Variants in C8orf34 observed in about 807,000 individuals in gnomAD.
C8orf34 encodes the protein uncharacterized protein C8orf34.
Under a neutral mutation model 68.3 loss-of-function variants are expected in C8orf34, and 65 were observed. That is an observed-to-expected ratio of 0.95 (90% CI 0.78 to 1.17). The LOEUF (loss-of-function observed/expected upper bound fraction) is 1.17. C8orf34 is among the 50% of genes most tolerant of loss of function. C8orf34 has a pLI of 0.00. For missense variants in C8orf34, 664 were observed against 655.4 expected (o/e 1.01, Z -0.14); for synonymous variants, 244 against 241.2 (o/e 1.01, Z -0.11).
intron 8 of C8orf34, among the ~76,000 whole-genome samples, chr8:68,646,674 A>G (rs1819183246): frequency 1.3e-5 from 2 of 151,922 alleles, no homozygotes; most frequent in African/African-American, 2.4e-5. Context: ...CTTTACTTCT[A>G]TGAGTTTGAC....
At position 68,571,705 on chromosome 8, in the gene C8orf34, C is replaced by T. The variant is rs143336370; in HGVS notation, c.1105+38556C>T. Among the ~76,000 whole-genome samples, 665 of 152,180 alleles carry T rather than the reference C, an allele frequency of 4.4e-3. 6 individuals are homozygous for T. The highest frequency in any genetic ancestry group is 0.015 in the African/African-American group (632 of 41,526). ...AGTAGGAAGAAGCATAGAGAAATTG[C>T]AAATGGCCTTCTTTTTATATTTTAA... On this transcript the variant is annotated intron_variant, in intron 7 of 13. Transcript: ENST00000518698.
chr8:68,379,562 C>A (rs1377183727), intron 1 of C8orf34, among the ~76,000 whole-genome samples: 2 of 152,224 alleles, frequency 1.3e-5, no homozygotes, highest in Non-Finnish European at 2.9e-5. Context: ...TGGTTCCTCT[C>A]TTGCTGTTGT....
intron 7 of C8orf34, chr8:68,533,427 T>C (rs987483946): frequency 1.3e-5 from 14 of 1,090,944 alleles, no homozygotes; most frequent in Non-Finnish European, 1.4e-5. Context: ...TGTGTGCAAC[T>C]GTGATCAAAA....
chr8:68,720,867 T>A (rs1440203346), intron 9 of C8orf34, among the ~76,000 whole-genome samples: 1 of 151,916 alleles, frequency 6.6e-6, no homozygotes, highest in African/African-American at 2.4e-5. Context: ...CCTTCATACG[T>A]TGAAATGGAA....
At chr8:68,702,917 G>C (rs927451001) in intron 8 of C8orf34, among the ~76,000 whole-genome samples, 1 of 152,072 alleles carries the variant, frequency 6.6e-6, no homozygotes, top group African/African-American at 2.4e-5. Flanking sequence ...TTTTAGCCCA[G>C]TAATTGGCTG....
intron 11 of C8orf34, among the ~76,000 whole-genome samples, chr8:68,781,041 T>C (rs1458117770): frequency 6.6e-6 from 1 of 152,230 alleles, no homozygotes; most frequent in Non-Finnish European, 1.5e-5. Context: ...TTAAAGTGAT[T>C]AAACCATTTT....
intron 8 of C8orf34, among the ~76,000 whole-genome samples, chr8:68,658,470 A>T (rs762906747): frequency 6.6e-6 from 1 of 152,114 alleles, no homozygotes; most frequent in Non-Finnish European, 1.5e-5. Context: ...TTTGCTTGAT[A>T]TTCAGCTCTT....
chr8:68,576,466 AG>A (rs1216539521), intron 7 of C8orf34, among the ~76,000 whole-genome samples: 1 of 151,666 alleles, frequency 6.6e-6, no homozygotes, highest in East Asian at 1.9e-4. Context: ...CCCCCTTTGC[AG>A]AAGGAAGCGC....
At chr8:68,775,554 T>A (rs912999982) in intron 10 of C8orf34, among the ~76,000 whole-genome samples, 2 of 152,328 alleles carry the variant, frequency 1.3e-5, no homozygotes, top group African/African-American at 4.8e-5. Flanking sequence ...ACGGAGAATT[T>A]ACTAATTACA....
chr8:68,639,783 T>C (rs1470767944), intron 7 of C8orf34, among the ~76,000 whole-genome samples: 1 of 152,142 alleles, frequency 6.6e-6, no homozygotes, highest in Non-Finnish European at 1.5e-5. Flanking sequence ...TCAGTAAACC[T>C]TTGGAGCATG....
At chr8:68,614,960 T>A (rs1361757180) in intron 7 of C8orf34, among the ~76,000 whole-genome samples, 1 of 152,302 alleles carries the variant, frequency 6.6e-6, no homozygotes, top group East Asian at 1.9e-4. Context: ...CCTCTTTTAT[T>A]TCATTGAGCA....
chr8:68,624,556 A>T (rs1818480534), intron 7 of C8orf34, among the ~76,000 whole-genome samples: 1 of 152,136 alleles, frequency 6.6e-6, no homozygotes, highest in African/African-American at 2.4e-5. Context: ...TTTCTAAGGG[A>T]TCTTATCTAT....
rs1006473129 is a variant in C8orf34, at chr8:68,615,968, G to T, written c.1106-24408G>T. Among the ~76,000 whole-genome samples the T allele has an allele frequency of 1.9e-4, 28 of 150,958 alleles. No individual in the cohort carries two copies. In the South Asian group the frequency reaches 3.6e-3, roughly 19 times the overall value. On this transcript the variant is annotated intron_variant, in intron 7 of 13. Coordinates refer to ENST00000518698, the MANE Select transcript of C8orf34 (RefSeq NM_052958.4). ...TATTGATTATTGCCACAATTTCAGAGCCTGTTATTGGTCTATTCAGAGATT... is the reference window on the plus strand; with the variant it reads ...TATTGATTATTGCCACAATTTCAGATCCTGTTATTGGTCTATTCAGAGATT...
At chr8:68,755,989 C>T (rs1822847240) in intron 10 of C8orf34, among the ~76,000 whole-genome samples, 1 of 151,868 alleles carries the variant, frequency 6.6e-6, no homozygotes, top group Admixed American at 6.6e-5. Flanking sequence ...ATGGCGTGAA[C>T]CCGGGAGGCG....
intron 8 of C8orf34, among the ~76,000 whole-genome samples, chr8:68,708,049 G>A (rs1821221805): frequency 6.6e-6 from 1 of 152,026 alleles, no homozygotes; most frequent in Non-Finnish European, 1.5e-5. Context: ...TTAATTAAAA[G>A]TACAAAACCA....
At chr8:68,509,644 G>A (rs549859459) in intron 5 of C8orf34, among the ~76,000 whole-genome samples, 7 of 152,306 alleles carry the variant, frequency 4.6e-5, no homozygotes, top group African/African-American at 1.7e-4. Context: ...GAGTCCCAGG[G>A]ATTTGGGATG....
chr8:68,686,387 A>C (rs529689979), intron 8 of C8orf34, among the ~76,000 whole-genome samples: 1 of 152,138 alleles, frequency 6.6e-6, no homozygotes, highest in East Asian at 1.9e-4. Context: ...TCCTCAACAA[A>C]ATACCAACTA....
chr8:68,465,511 T>C (rs1362072766), intron 3 of C8orf34, among the ~76,000 whole-genome samples: 1 of 152,062 alleles, frequency 6.6e-6, no homozygotes, highest in Non-Finnish European at 1.5e-5. Flanking sequence ...CGTATGTTTA[T>C]TGCAGCACTA....
At chr8:68,800,320 C>A (rs367848868) in intron 12 of C8orf34, among the ~76,000 whole-genome samples, 1 of 152,082 alleles carries the variant, frequency 6.6e-6, no homozygotes, top group African/African-American at 2.4e-5. Context: ...AGAGTAAGCA[C>A]CTCCCTGAGA....
Sources: allele counts gnomAD v4.1 joint callset (sites outside exome capture counted in the v4.1 genomes callset), GRCh38; gene constraint gnomAD v4.1.1; transcripts MANE v1.5; gene names NCBI Gene and HGNC (gene_info 2026-07-23, HGNC 2026-07-21).